The following LRP1B variants were observed in gnomAD, a reference collection of about 807,000 sequenced individuals.
The protein encoded by LRP1B is LDL receptor related protein 1B.
LRP1B carries 217 observed loss-of-function variants against 556.6 expected under a neutral mutation model. The observed-to-expected ratio is 0.39, with a 90% CI of 0.35 to 0.44. LRP1B has a LOEUF of 0.44. LRP1B is among the 20% of genes least tolerant of loss of function. LRP1B has a pLI of 1.00. For synonymous variants in LRP1B, 2,047 were observed against 1,865.8 expected (o/e 1.10, Z -2.50); for missense variants, 5,053 against 5,620.8 (o/e 0.90, Z 3.23).
chr2:141,547,606 C>A (rs972492495), intron 2 of LRP1B, among the ~76,000 whole-genome samples: 2 of 152,078 alleles, frequency 1.3e-5, no homozygotes, highest in Admixed American at 6.6e-5. Context: ...TCATCAAAAA[C>A]TACTGAGCAT....
intron 87 of LRP1B, among the ~76,000 whole-genome samples, chr2:140,240,890 T>C (rs1305675712): frequency 6.6e-6 from 1 of 150,996 alleles, no homozygotes; most frequent in African/African-American, 2.4e-5. Flanking sequence ...ATTATAAATA[T>C]ATAGATATGT....
chr2:141,095,176 T>C (rs1700266905), intron 7 of LRP1B, among the ~76,000 whole-genome samples: 1 of 151,724 alleles, frequency 6.6e-6, no homozygotes, highest in Non-Finnish European at 1.5e-5. Context: ...CCTCCAGAGC[T>C]GTGAGAAGTA....
intron 1 of LRP1B, among the ~76,000 whole-genome samples, chr2:141,879,712 G>A (rs1304225230): frequency 6.6e-6 from 1 of 151,878 alleles, no homozygotes; most frequent in Non-Finnish European, 1.5e-5. Flanking sequence ...AAGAAAAATA[G>A]AGTCATCTGG....
At chr2:141,188,146 G>A (rs554301427) in intron 7 of LRP1B, among the ~76,000 whole-genome samples, 137 of 151,968 alleles carry the variant, frequency 9.0e-4, no homozygotes, top group Non-Finnish European at 1.5e-3. Context: ...GCTTTTCTCT[G>A]ATGACCCTGA....
intron 32 of LRP1B, among the ~76,000 whole-genome samples, chr2:140,794,478 A>AACACACACAC (rs6146938): frequency 0.023 from 3,410 of 149,960 alleles, 54 homozygotes; most frequent in Admixed American, 0.033. Context: ...AGCTATTTAA[A>AACACACACAC]ACACACACAC....
chr2:140,457,570 G>A lies in LRP1B; in HGVS notation c.9707C>T (p.Ser3236Leu), dbSNP rs2105324087. 1 of 1,613,814 alleles carries A rather than the reference G, an allele frequency of 6.2e-7. No homozygotes were observed. Among genetic ancestry groups the A allele is most frequent in the Middle Eastern group, 1.7e-4 (1 of 6,060 alleles). Reference sequence around the variant, plus strand: ...CGATGTTTTATGGGCACGGCTGAGTGACTTGGTTTTCCCATCAGTCCAGTA... The same window carrying A: ...CGATGTTTTATGGGCACGGCTGAGTAACTTGGTTTTCCCATCAGTCCAGTA... ...YIYWTDGKTK[S>L]LSRAHKTSGA... is the part of the protein sequence containing the mutation. Residue 3236 changes from serine to leucine, a missense_variant, in exon 61 of 91, where the codon TCA becomes TTA. Ser to Leu is a moderately radical substitution (Grantham distance 145). Around this residue, in one of 5 missense-constraint regions of LRP1B, gnomAD observed 262 missense variants for 395.1 expected, o/e 0.66. Coordinates refer to ENST00000389484, the MANE Select transcript of LRP1B (RefSeq NM_018557.3).
chr2:141,832,699 G>A (rs991924694), intron 1 of LRP1B, among the ~76,000 whole-genome samples: 1 of 151,686 alleles, frequency 6.6e-6, no homozygotes, highest in South Asian at 2.1e-4. Context: ...TAAGATATAA[G>A]TTATACATCA....
intron 7 of LRP1B, among the ~76,000 whole-genome samples, chr2:141,162,472 G>C (rs1680078948): frequency 1.3e-5 from 2 of 152,002 alleles, no homozygotes; most frequent in South Asian, 2.1e-4. Context: ...GAAAACAAGG[G>C]AACCAATGTG....
intron 3 of LRP1B, among the ~76,000 whole-genome samples, chr2:141,433,987 T>C (rs559758248): frequency 6.6e-6 from 1 of 152,066 alleles, no homozygotes; most frequent in Admixed American, 6.6e-5. Flanking sequence ...GGTTCTCTTT[T>C]ACTTGATGAG....
chr2:141,980,233 C>T (rs1461356502), intron 1 of LRP1B, among the ~76,000 whole-genome samples: 2 of 151,990 alleles, frequency 1.3e-5, no homozygotes, highest in Non-Finnish European at 2.9e-5. Flanking sequence ...CTGTCCTTGG[C>T]ACTAGGCAAC....
chr2:141,174,093 A>G (rs968126703), intron 7 of LRP1B, among the ~76,000 whole-genome samples: 1 of 152,100 alleles, frequency 6.6e-6, no homozygotes, highest in African/African-American at 2.4e-5. Context: ...AAAAAAAAAG[A>G]TAAATGATAA....
At chr2:140,525,597 G>A (rs1690396644) in intron 49 of LRP1B, among the ~76,000 whole-genome samples, 1 of 151,876 alleles carries the variant, frequency 6.6e-6, no homozygotes, top group African/African-American at 2.4e-5. Flanking sequence ...AATTTTGAAA[G>A]GGTTAATAAC....
At chr2:141,570,054 A>T (rs933005434) in intron 2 of LRP1B, among the ~76,000 whole-genome samples, 6 of 151,070 alleles carry the variant, frequency 4.0e-5, no homozygotes, top group African/African-American at 1.5e-4. Flanking sequence ...GCAATATAGC[A>T]AGACCCTGTC....
chr2:142,045,688 C>T (rs967704456), intron 1 of LRP1B, among the ~76,000 whole-genome samples: 1 of 151,800 alleles, frequency 6.6e-6, no homozygotes, highest in Admixed American at 6.6e-5. Context: ...ACTTTGTTTG[C>T]TATACATTCT....
At chr2:141,082,547 G>A (rs1437955155) in intron 7 of LRP1B, among the ~76,000 whole-genome samples, 1 of 152,196 alleles carries the variant, frequency 6.6e-6, no homozygotes. Context: ...GAACAAAATG[G>A]AAAATATTAT....
At chr2:140,478,144 CTTTTTTTTTTTTT>C (rs35948232) in intron 59 of LRP1B, among the ~76,000 whole-genome samples, 1 of 62,780 alleles carries the variant, frequency 1.6e-5, no homozygotes, top group Non-Finnish European at 3.2e-5. Context: ...TATAACTTAA[CTTTTTTTTTTTTT>C]TTTTTTTTTT....
chr2:141,138,052 G>A (rs185978400), intron 7 of LRP1B, among the ~76,000 whole-genome samples: 5 of 151,764 alleles, frequency 3.3e-5, no homozygotes, highest in African/African-American at 9.7e-5. Context: ...AAAATTTAAC[G>A]AATTAAATCC....
At chr2:141,799,852 GATA>G (rs1445082201) in intron 2 of LRP1B, among the ~76,000 whole-genome samples, 4 of 150,018 alleles carry the variant, frequency 2.7e-5, no homozygotes, top group African/African-American at 5.0e-5. Context: ...GAGAGGCTAA[GATA>G]ATGTTATACT....
chr2:141,816,112 G>A (rs1030342091), intron 1 of LRP1B, among the ~76,000 whole-genome samples: 1 of 151,974 alleles, frequency 6.6e-6, no homozygotes, highest in Non-Finnish European at 1.5e-5. Context: ...TATAGGGAGG[G>A]ATAGATACAG....
Sources: gnomAD v4.1 joint callset for allele counts (sites outside exome capture counted in the v4.1 genomes callset) on GRCh38, gnomAD v4.1.1 for gene constraint, gnomAD v4.1.1 regional missense constraint, MANE v1.5 for transcripts, NCBI Gene and HGNC (gene_info 2026-07-23, HGNC 2026-07-21) for gene names.